Variants in TAFA2 observed in about 807,000 individuals in gnomAD.
The protein encoded by TAFA2 is TAFA chemokine like family member 2, also known as chemokine-like protein TAFA-2.
Under a neutral mutation model 18.8 loss-of-function variants are expected in TAFA2, and 7 were observed. The observed-to-expected ratio is 0.37, with a 90% confidence interval of 0.21 to 0.70. The LOEUF is 0.70. Ranked by LOEUF, TAFA2 falls within the 30% of genes least tolerant of loss-of-function variation. The pLI, the probability that TAFA2 is intolerant of heterozygous loss-of-function variation, is 0.53. For missense variants in TAFA2, 122 were observed against 158.1 expected (o/e 0.77, Z 1.23); for synonymous variants, 60 against 54.2 (o/e 1.11, Z -0.47).
chr12:61,741,427 G>C (rs1008817855), intron 4 of TAFA2, among the ~76,000 whole-genome samples: 4 of 151,876 alleles, frequency 2.6e-5, no homozygotes. Context: ...GTTCTATTAT[G>C]ATAGTACTAT....
chr12:61,859,347 T>G (rs1475475318), intron 2 of TAFA2, among the ~76,000 whole-genome samples: 1 of 152,200 alleles, frequency 6.6e-6, no homozygotes, highest in Non-Finnish European at 1.5e-5. Flanking sequence ...GCTCCCACCA[T>G]TGACACGTGG....
At chr12:62,019,716 GT>G (rs752771946) in intron 1 of TAFA2, among the ~76,000 whole-genome samples, 32 of 151,522 alleles carry the variant, frequency 2.1e-4, no homozygotes, top group Non-Finnish European at 3.7e-4. Context: ...TATACCTAAT[GT>G]TAAATGACGA....
chr12:62,128,577 G>T (rs116140822), intron 1 of TAFA2, among the ~76,000 whole-genome samples: 1 of 151,848 alleles, frequency 6.6e-6, no homozygotes, highest in Non-Finnish European at 1.5e-5. Context: ...CTCCTGTTCC[G>T]CTCACCATTC....
chr12:61,956,649 A>C (rs1210514925), intron 1 of TAFA2, among the ~76,000 whole-genome samples: 2 of 145,762 alleles, frequency 1.4e-5, no homozygotes, highest in Non-Finnish European at 3.0e-5. Context: ...AAAAAAAAAC[A>C]GGTGTGACAA....
chr12:62,108,258 C>A (rs1869553756), intron 1 of TAFA2, among the ~76,000 whole-genome samples: 1 of 151,906 alleles, frequency 6.6e-6, no homozygotes, highest in Admixed American at 6.6e-5. Flanking sequence ...TGTTCCTGTG[C>A]TAGTTTGCTG....
At chr12:62,129,705 C>T (rs1870605949) in intron 1 of TAFA2, among the ~76,000 whole-genome samples, 1 of 151,994 alleles carries the variant, frequency 6.6e-6, no homozygotes, top group Non-Finnish European at 1.5e-5. Context: ...TAATTATTTG[C>T]TTTGAGGACC....
intron 1 of TAFA2, among the ~76,000 whole-genome samples, chr12:62,112,715 G>A (rs1380948207): frequency 6.6e-6 from 1 of 151,584 alleles, no homozygotes; most frequent in Non-Finnish European, 1.5e-5. Flanking sequence ...TCATCTTCAA[G>A]CTTTATTTCA....
rs974452992 is a variant in TAFA2 at position 62,021,526 on chromosome 12, C to T, written c.-1-154100G>A. Reference sequence around the variant, plus strand: ...TATTTTATTAAAGATCTTTACAGAACAACATCCAGACTCCAGAATACAGCT... The same window carrying T: ...TATTTTATTAAAGATCTTTACAGAATAACATCCAGACTCCAGAATACAGCT... On this transcript the variant is annotated intron_variant, in intron 1 of 4. Coordinates refer to ENST00000416284, the MANE Select transcript of TAFA2 (RefSeq NM_178539.5). 5 of 533,166 alleles carry T rather than the reference C, an allele frequency of 9.4e-6. No individual in the cohort carries two copies. The East Asian group carries it at 2.7e-4, about 28-fold the overall frequency. The allele number at this position is 533,166 out of a possible 1,614,324, so 33.0% of individuals were successfully genotyped here. A position where few individuals can be genotyped will look rare whatever the true frequency, so the allele number is the denominator to read the frequency against.
At chr12:62,005,099 GA>G (rs1486616605) in intron 1 of TAFA2, among the ~76,000 whole-genome samples, 1 of 152,036 alleles carries the variant, frequency 6.6e-6, no homozygotes, top group East Asian at 1.9e-4. Flanking sequence ...ATTAAATATA[GA>G]AAGCTAATGT....
At chr12:61,855,873 T>C (rs535642405) in intron 2 of TAFA2, among the ~76,000 whole-genome samples, 1 of 151,942 alleles carries the variant, frequency 6.6e-6, no homozygotes, top group South Asian at 2.1e-4. Flanking sequence ...CCAACTTAGA[T>C]ACTAAATGCT....
intron 1 of TAFA2, among the ~76,000 whole-genome samples, chr12:61,963,682 C>T (rs1374040089): frequency 6.6e-6 from 1 of 151,822 alleles, no homozygotes; most frequent in African/African-American, 2.4e-5. Flanking sequence ...CGATGCTATC[C>T]CCATCAAGCT....
intron 1 of TAFA2, among the ~76,000 whole-genome samples, chr12:62,012,556 TC>T (rs1880807955): frequency 6.6e-6 from 1 of 152,180 alleles, no homozygotes; most frequent in Non-Finnish European, 1.5e-5. Context: ...GTATTGAATT[TC>T]CTCAAAGCAC....
chr12:61,830,749 A>G (rs553629535), intron 2 of TAFA2, among the ~76,000 whole-genome samples: 1 of 152,198 alleles, frequency 6.6e-6, no homozygotes, highest in East Asian at 1.9e-4. Context: ...AGTACTTGAT[A>G]TTGTAATAAT....
At chr12:62,136,144 G>A (rs1299658867) in intron 1 of TAFA2, 2 of 151,970 alleles carry the variant, frequency 1.3e-5, no homozygotes, top group African/African-American at 4.8e-5. Flanking sequence ...GAACATTTTT[G>A]TTTTTAAATT....
chr12:61,928,824 G>T (rs1009871422), intron 1 of TAFA2, among the ~76,000 whole-genome samples: 16 of 151,988 alleles, frequency 1.1e-4, no homozygotes, highest in Non-Finnish European at 1.6e-4. Context: ...ACCATAGAAT[G>T]CTATGCAGCC....
At chr12:61,846,281 C>T (rs971330862) in intron 2 of TAFA2, among the ~76,000 whole-genome samples, 1 of 152,274 alleles carries the variant, frequency 6.6e-6, no homozygotes, top group East Asian at 1.9e-4. Flanking sequence ...GTTGTTGTGA[C>T]TGGACAGCCC....
intron 1 of TAFA2, among the ~76,000 whole-genome samples, chr12:62,167,420 T>C (rs933709594): frequency 1.3e-5 from 2 of 152,148 alleles, no homozygotes; most frequent in African/African-American, 4.8e-5. Context: ...TTAGTAATCA[T>C]TTTTGGTAGT....
At chr12:62,117,279 G>C (rs1870002276) in intron 1 of TAFA2, among the ~76,000 whole-genome samples, 1 of 152,094 alleles carries the variant, frequency 6.6e-6, no homozygotes. Flanking sequence ...TTATTGGTTA[G>C]TTCCTGTGTT....
At chr12:61,772,400 C>A (rs1870070729) in intron 2 of TAFA2, among the ~76,000 whole-genome samples, 2 of 151,914 alleles carry the variant, frequency 1.3e-5, no homozygotes, top group South Asian at 4.2e-4. Flanking sequence ...CACCCTAAAG[C>A]CAAAACCAGG....
Sources: gnomAD v4.1 joint callset for allele counts (sites outside exome capture counted in the v4.1 genomes callset) on GRCh38, gnomAD v4.1.1 for gene constraint, MANE v1.5 for transcripts, NCBI Gene and HGNC (gene_info 2026-07-23, HGNC 2026-07-21) for gene names.